TMEM135: variants seen among roughly 807,000 people sequenced by gnomAD.
TMEM135 encodes the protein peroxisomal membrane protein 52.
TMEM135 carries 30 observed loss-of-function variants against 60.3 expected under a neutral mutation model. That is an observed-to-expected ratio of 0.50 (90% CI 0.37 to 0.68). The LOEUF (loss-of-function observed/expected upper bound fraction) is 0.68. Ranked by LOEUF, TMEM135 falls within the 30% of genes least tolerant of loss-of-function variation. TMEM135 has a pLI of 0.00. For synonymous variants in TMEM135, 190 were observed against 186.7 expected (o/e 1.02, Z -0.14); for missense variants, 468 against 548.8 (o/e 0.85, Z 1.47).
At chr11:87,230,824 G>A (rs1305171696) in intron 5 of TMEM135, among the ~76,000 whole-genome samples, 2 of 151,632 alleles carry the variant, frequency 1.3e-5, no homozygotes, top group Non-Finnish European at 2.9e-5. Flanking sequence ...TGGCTAGGGT[G>A]AATGAGGAAA....
At chr11:87,305,836 T>C (rs1590860494) in intron 8 of TMEM135, 100 bp from the exon 9 acceptor site, 1 of 578,532 alleles carries the variant, frequency 1.7e-6, no homozygotes, top group East Asian at 3.4e-5. Flanking sequence ...TCTTTTTTTT[T>C]TTGGTTAGAA....
rs1184346176 is a variant in TMEM135 at position 87,318,192 on chromosome 11, A to G, written c.1133A>G (p.Asp378Gly). The stretch of plus-strand genomic sequence containing the variant: ...AAGGTTCCCTATTTTCCTCATGCAG[A>G]TACTATCATCTATTCCATCTCTACA... ...AGKVPYFPHA[D>G]TIIYSISTAI... The change falls in exon 13 of 15, where the codon GAT (aspartate) becomes GGT (glycine). Residue 378 changes from aspartate (D) to glycine (G), a missense_variant. Coordinates refer to ENST00000305494, the MANE Select transcript of TMEM135 (RefSeq NM_022918.4). 1.9e-6 allele frequency: 3 copies of G among 1,612,774 alleles called. No homozygotes were observed. The highest frequency in any genetic ancestry group is 2.5e-6 in the Non-Finnish European group (3 of 1,179,760).
chr11:87,202,850 G>A (rs1197133679), intron 5 of TMEM135, among the ~76,000 whole-genome samples: 5 of 151,040 alleles, frequency 3.3e-5, no homozygotes, highest in Non-Finnish European at 7.4e-5. Context: ...GGCTAACACG[G>A]TGAAACCCCG....
At chr11:87,197,945 A>G (rs578260093) in intron 5 of TMEM135, among the ~76,000 whole-genome samples, 4 of 148,382 alleles carry the variant, frequency 2.7e-5, no homozygotes, top group African/African-American at 9.9e-5. Flanking sequence ...ATACTTTTTT[A>G]TTTTTATTTT....
chr11:87,205,746 G>A (rs923534718), intron 5 of TMEM135, among the ~76,000 whole-genome samples: 2 of 152,120 alleles, frequency 1.3e-5, no homozygotes, highest in African/African-American at 2.4e-5. Flanking sequence ...ACCTAAGACT[G>A]GGCTGAATAT....
chr11:87,081,887 T>C (rs1856999903), intron 3 of TMEM135, among the ~76,000 whole-genome samples: 1 of 152,168 alleles, frequency 6.6e-6, no homozygotes, highest in African/African-American at 2.4e-5. Flanking sequence ...TTTATAACTG[T>C]TATCACATGG....
intron 5 of TMEM135, among the ~76,000 whole-genome samples, chr11:87,206,895 T>G (rs1245616401): frequency 6.6e-6 from 1 of 152,144 alleles, no homozygotes; most frequent in Non-Finnish European, 1.5e-5. Flanking sequence ...TTAAGTTTAG[T>G]ATGTATGTTA....
chr11:87,233,145 G>A lies in TMEM135; in HGVS notation c.463-3493G>A, dbSNP rs181975951. Among the ~76,000 whole-genome samples, 68 of 151,964 alleles carry A rather than the reference G, an allele frequency of 4.5e-4. 1 individual carries two copies. Among genetic ancestry groups the A allele is most frequent in the Non-Finnish European group, 5.9e-5 (4 of 67,954 alleles). On this transcript the variant is annotated intron_variant, in intron 5 of 14. Transcript: ENST00000305494. ...TAGCCTGGTGACAGAGTGAGAGTCC[G>A]TCTCAAAAAACAAAGCAAAACAGAA...
intron 5 of TMEM135, among the ~76,000 whole-genome samples, chr11:87,175,675 A>G (rs1323529958): frequency 1.3e-5 from 2 of 152,168 alleles, no homozygotes; most frequent in East Asian, 3.8e-4. Context: ...AGATCATATC[A>G]ATTTGTTTTG....
chr11:87,203,032 C>CAAAAAAAAAAAAAA lies in TMEM135; in HGVS notation c.463-33593_463-33580dup, dbSNP rs534909524. Among the ~76,000 whole-genome samples, 80 of 33,592 alleles carry CAAAAAAAAAAAAAA rather than the reference C, an allele frequency of 2.4e-3. 3 individuals carry two copies. The highest frequency in any genetic ancestry group is 6.8e-3 in the African/African-American group (78 of 11,420). The allele number at this position is 33,592 out of a possible 152,430, so 22.0% of individuals were successfully genotyped here. The stretch of plus-strand genomic sequence containing the variant: ...TGGGCGACAGAGTGAGACTCCGTCT[C>CAAAAAAAAAAAAAA]AAAAAAAAAAAAAAAAAAAAAAAAA... On this transcript the variant is annotated intron_variant, in intron 5 of 14. Transcript: ENST00000305494.
At chr11:87,044,900 G>C (rs1485272889) in intron 1 of TMEM135, among the ~76,000 whole-genome samples, 3 of 152,012 alleles carry the variant, frequency 2.0e-5, no homozygotes, top group Non-Finnish European at 4.4e-5. Context: ...ACCCACCTCA[G>C]CCTCCCAAAG....
intron 6 of TMEM135, among the ~76,000 whole-genome samples, chr11:87,251,425 G>C (rs771873850): frequency 6.6e-6 from 1 of 152,102 alleles, no homozygotes; most frequent in South Asian, 2.1e-4. Context: ...CACACTAGCT[G>C]TCTGACTTTA....
chr11:87,260,414 A>G (rs564208359), intron 6 of TMEM135, among the ~76,000 whole-genome samples: 2 of 152,326 alleles, frequency 1.3e-5, no homozygotes, highest in Admixed American at 6.5e-5. Flanking sequence ...AGCAACTTCT[A>G]CTGATATGAA....
chr11:87,319,050 G>A (rs1387078315), intron 13 of TMEM135: 3 of 383,326 alleles, frequency 7.8e-6, no homozygotes, highest in African/African-American at 6.3e-5. Context: ...TGTATTTTCA[G>A]TAGAGACGGG....
intron 4 of TMEM135, among the ~76,000 whole-genome samples, chr11:87,141,566 A>G (rs1328097991): frequency 6.6e-6 from 1 of 152,040 alleles, no homozygotes; most frequent in Non-Finnish European, 1.5e-5. Flanking sequence ...TATTTTTATA[A>G]TATCTTTTCT....
chr11:87,217,714 G>C (rs925696276), intron 5 of TMEM135, among the ~76,000 whole-genome samples: 8 of 152,112 alleles, frequency 5.3e-5, no homozygotes, highest in Non-Finnish European at 1.0e-4. Flanking sequence ...GAACCAGGGA[G>C]GTGGAGGTTG....
At position 87,092,249 on chromosome 11, in the gene TMEM135, C is replaced by T. The variant is rs140611846; in HGVS notation, c.396+854C>T. ...TTTTACTCTCTAGTGGGAGAAGTCA[C>T]GGCAGAAATAATAATGTATGAAAAG... On this transcript the variant is annotated intron_variant, in intron 4 of 14. Coordinates refer to ENST00000305494, the MANE Select transcript of TMEM135 (RefSeq NM_022918.4). 1.6e-4 allele frequency among the ~76,000 whole-genome samples: 25 copies of T among 152,194 alleles called. No homozygotes were observed. In the East Asian group the frequency reaches 4.2e-3, roughly 26 times the overall value.
chr11:87,059,461 G>A (rs1005713259), intron 1 of TMEM135, among the ~76,000 whole-genome samples: 5 of 151,802 alleles, frequency 3.3e-5, no homozygotes, highest in African/African-American at 4.8e-5. Flanking sequence ...GATTACAGGC[G>A]TGTGCTACCA....
intron 5 of TMEM135, among the ~76,000 whole-genome samples, chr11:87,234,807 G>A (rs1940959911): frequency 1.3e-5 from 2 of 151,980 alleles, no homozygotes. Flanking sequence ...AGTTTCAAGT[G>A]TATTATTTGT....
Sources: gnomAD v4.1 joint callset for allele counts (sites outside exome capture counted in the v4.1 genomes callset) on GRCh38, gnomAD v4.1.1 for gene constraint, MANE v1.5 for transcripts, NCBI Gene and HGNC (gene_info 2026-07-23, HGNC 2026-07-21) for gene names.